The following PRTFDC1 variants were observed in gnomAD, a reference collection of about 807,000 sequenced individuals.
PRTFDC1 encodes phosphoribosyl transferase domain containing 1.
Under a neutral mutation model 34.6 loss-of-function variants are expected in PRTFDC1, and 38 were observed. The ratio of observed to expected loss-of-function variants is 1.10; its 90% CI spans 0.85 to 1.44. The LOEUF is 1.44. Among genes scored for constraint, PRTFDC1 ranks in the 40% most tolerant of loss-of-function variants. PRTFDC1 has a pLI of 0.00. For missense variants in PRTFDC1, 270 were observed against 283.0 expected, an observed-to-expected ratio of 0.95 and a Z score of 0.33; for synonymous variants, 93 against 98.1, an observed-to-expected ratio of 0.95 and a Z score of 0.31.
In PRTFDC1 at chr10:24,912,655, C is replaced by G. The variant is rs114070115; in HGVS notation, c.339+24529G>C. Among the ~76,000 whole-genome samples, 1,075 of 152,154 alleles carry G rather than the reference C, an allele frequency of 7.1e-3. 16 individuals carry two copies. Among genetic ancestry groups the G allele is most frequent in the African/African-American group, 0.025 (1,021 of 41,514 alleles). Reference sequence around the variant, plus strand: ...GGATATAAGATCTTTATCAGACATACGTTTTGCAAATATTTTCTCCCAATC... The same window carrying G: ...GGATATAAGATCTTTATCAGACATAGGTTTTGCAAATATTTTCTCCCAATC... On this transcript the variant is annotated intron_variant, in intron 3 of 8. Coordinates refer to ENST00000320152, the MANE Select transcript of PRTFDC1 (RefSeq NM_020200.7).
chr10:24,935,537 A>G (rs1322613901), intron 3 of PRTFDC1, among the ~76,000 whole-genome samples: 2 of 152,202 alleles, frequency 1.3e-5, no homozygotes, highest in Non-Finnish European at 2.9e-5. Flanking sequence ...GGAATGTGGA[A>G]GACAGATTGG....
At position 24,952,129 on chromosome 10, in the gene PRTFDC1, G is replaced by C. The variant is rs537798096; in HGVS notation, c.48+399C>G. Among the ~76,000 whole-genome samples the C allele has an allele frequency of 3.9e-5, 6 of 152,202 alleles. No homozygotes were observed. Among genetic ancestry groups the C allele is most frequent in the Admixed American group, 3.9e-4 (6 of 15,288 alleles). On this transcript the variant is annotated intron_variant, in intron 1 of 8. Transcript: ENST00000320152. This position sits in a 1 kb window ranked among gnomAD's most constrained non-coding sequence, Gnocchi z 5.1. ...TTTTTAAAAACAAAACTTGAAGCCC[G>C]CCCTGGAGGAGTCAAGAGGAGACCC...
chr10:24,854,734 T>C (rs1175124717), intron 7 of PRTFDC1, among the ~76,000 whole-genome samples: 1 of 152,190 alleles, frequency 6.6e-6, no homozygotes, highest in East Asian at 1.9e-4. Flanking sequence ...AGATGGTATC[T>C]AGAGATACCT....
At chr10:24,875,576 T>A (rs1244741161) in intron 3 of PRTFDC1, among the ~76,000 whole-genome samples, 1 of 152,210 alleles carries the variant, frequency 6.6e-6, no homozygotes, top group Non-Finnish European at 1.5e-5. Flanking sequence ...ATGTTTTTAA[T>A]ACTAGATTTG....
chr10:24,901,456 G>A (rs1848448323), intron 3 of PRTFDC1, among the ~76,000 whole-genome samples: 2 of 152,160 alleles, frequency 1.3e-5, no homozygotes, highest in Admixed American at 1.3e-4. Flanking sequence ...TTTAAAGGCT[G>A]AAACAGGAAT....
intron 3 of PRTFDC1, among the ~76,000 whole-genome samples, chr10:24,897,973 G>A (rs1848395092): frequency 6.6e-6 from 1 of 152,116 alleles, no homozygotes; most frequent in African/African-American, 2.4e-5. Context: ...GAATCTAAGT[G>A]TCCTATAATA....
At chr10:24,871,971 G>A (rs1258806097) in intron 4 of PRTFDC1, 27 bp downstream of exon 4, 5 of 1,581,500 alleles carry the variant, frequency 3.2e-6, no homozygotes, top group African/African-American at 1.3e-5. Flanking sequence ...ACCTCAATGC[G>A]GTCTGAGCAC....
At chr10:24,852,907 T>C (rs925749842) in intron 7 of PRTFDC1, among the ~76,000 whole-genome samples, 1 of 152,000 alleles carries the variant, frequency 6.6e-6, no homozygotes, top group East Asian at 1.9e-4. Flanking sequence ...AGGTACTTAT[T>C]TTCTAGGGGG....
intron 3 of PRTFDC1, among the ~76,000 whole-genome samples, chr10:24,918,895 G>T (rs555263408): frequency 3.5e-4 from 53 of 152,286 alleles, no homozygotes; most frequent in African/African-American, 1.1e-3. Flanking sequence ...CTTCTGGGAA[G>T]CAGTGTGGAA....
intron 3 of PRTFDC1, chr10:24,908,267 C>A: frequency 1.9e-6 from 1 of 519,098 alleles, no homozygotes; most frequent in Non-Finnish European, 3.3e-6. Context: ...TGCCCTCTGT[C>A]TTTTACGGAA....
At chr10:24,917,298 C>A (rs1047467954) in intron 3 of PRTFDC1, among the ~76,000 whole-genome samples, 2 of 152,164 alleles carry the variant, frequency 1.3e-5, no homozygotes, top group African/African-American at 4.8e-5. Context: ...GTGTGAGCAG[C>A]CTCTGCAATG....
chr10:24,926,134 T>C (rs1157239116), intron 3 of PRTFDC1, among the ~76,000 whole-genome samples: 4 of 152,166 alleles, frequency 2.6e-5, no homozygotes, highest in South Asian at 2.1e-4. Flanking sequence ...AGGACCTAGT[T>C]TGGATGTCAC....
At chr10:24,893,745 C>T (rs1487200106) in intron 3 of PRTFDC1, among the ~76,000 whole-genome samples, 2 of 144,908 alleles carry the variant, frequency 1.4e-5, no homozygotes, top group East Asian at 3.8e-4. Flanking sequence ...AAAATGGAAT[C>T]TTAATTAAAT....
At chr10:24,887,774 A>C (rs1848195172) in intron 3 of PRTFDC1, among the ~76,000 whole-genome samples, 1 of 151,320 alleles carries the variant, frequency 6.6e-6, no homozygotes, top group African/African-American at 2.4e-5. Context: ...ACCTCACCCC[A>C]CCACAACTGT....
intron 3 of PRTFDC1, among the ~76,000 whole-genome samples, chr10:24,901,043 C>G (rs970651067): frequency 2.0e-5 from 3 of 152,148 alleles, no homozygotes; most frequent in African/African-American, 7.2e-5. Flanking sequence ...ATTATAGCAT[C>G]GGAAATGTGT....
intron 7 of PRTFDC1, among the ~76,000 whole-genome samples, chr10:24,851,993 G>A (rs1480293855): frequency 6.6e-6 from 1 of 151,942 alleles, no homozygotes; most frequent in Admixed American, 6.6e-5. Context: ...AAAGGCAACG[G>A]GATTGTTCAA....
At chr10:24,949,375 T>A (rs1006388808) in intron 1 of PRTFDC1, among the ~76,000 whole-genome samples, 2 of 151,970 alleles carry the variant, frequency 1.3e-5, no homozygotes, top group Admixed American at 6.5e-5. Flanking sequence ...GAGCCACCAC[T>A]CCCAGCCACC....
At chr10:24,903,004 C>A (rs1848472571) in intron 3 of PRTFDC1, among the ~76,000 whole-genome samples, 1 of 152,136 alleles carries the variant, frequency 6.6e-6, no homozygotes, top group Admixed American at 6.5e-5. Context: ...CGAGACTAGC[C>A]TGGCCAACAT....
At chr10:24,895,795 A>T (rs1195120936) in intron 3 of PRTFDC1, among the ~76,000 whole-genome samples, 1 of 149,870 alleles carries the variant, frequency 6.7e-6, no homozygotes, top group Non-Finnish European at 1.5e-5. Context: ...GACTGATTAA[A>T]AAATGGAAAT....
Sources: gnomAD v4.1 joint callset for allele counts (sites outside exome capture counted in the v4.1 genomes callset) on GRCh38, gnomAD v4.1.1 for gene constraint, Gnocchi (gnomAD v3.1) non-coding constraint, MANE v1.5 for transcripts, NCBI Gene and HGNC (gene_info 2026-07-23, HGNC 2026-07-21) for gene names.